The following OSBPL8 variants were observed in gnomAD, a reference collection of about 807,000 sequenced individuals.
OSBPL8 encodes oxysterol-binding protein-related protein 8.
In OSBPL8, 59 loss-of-function variants were observed where a neutral mutation model predicts 125.5. The observed-to-expected ratio is 0.47, with a 90% confidence interval of 0.38 to 0.58. The LOEUF is 0.58. Ranked by LOEUF, OSBPL8 falls within the 20% of genes least tolerant of loss-of-function variation. OSBPL8 has a pLI of 0.00. For synonymous variants in OSBPL8, 330 were observed against 338.9 expected (o/e 0.97, Z 0.29); for missense variants, 758 against 1,047.8 (o/e 0.72, Z 3.82).
intron 3 of OSBPL8, among the ~76,000 whole-genome samples, chr12:76,451,237 T>C (rs953404382): frequency 2.0e-5 from 3 of 152,228 alleles, no homozygotes; most frequent in East Asian, 1.9e-4. Context: ...TGAAAATACA[T>C]ATCCAACTGA....
intron 4 of OSBPL8, among the ~76,000 whole-genome samples, chr12:76,426,397 G>T (rs1403320274): frequency 6.6e-6 from 1 of 152,082 alleles, no homozygotes; most frequent in Non-Finnish European, 1.5e-5. Context: ...TAATTTGTCT[G>T]AAGTTTTTCT....
chr12:76,465,709 A>G (rs1182481902), intron 2 of OSBPL8, among the ~76,000 whole-genome samples: 2 of 151,584 alleles, frequency 1.3e-5, no homozygotes, highest in Non-Finnish European at 2.9e-5. Context: ...TGTAGTCATT[A>G]AAGTTTCTTT....
intron 12 of OSBPL8, among the ~76,000 whole-genome samples, chr12:76,388,452 CAG>C (rs753833147): frequency 1.3e-5 from 2 of 152,114 alleles, no homozygotes; most frequent in Non-Finnish European, 2.9e-5. Flanking sequence ...CTATTTGAGA[CAG>C]GGGGCATCTC....
At chr12:76,396,732 TGA>T in intron 8 of OSBPL8, among the ~76,000 whole-genome samples, 1 of 152,102 alleles carries the variant, frequency 6.6e-6, no homozygotes, top group African/African-American at 2.4e-5. Context: ...CCAGCCTAGG[TGA>T]CAGTAAAACC....
At chr12:76,391,199 T>C (rs1157042550) in intron 10 of OSBPL8, among the ~76,000 whole-genome samples, 1 of 152,186 alleles carries the variant, frequency 6.6e-6, no homozygotes, top group East Asian at 1.9e-4. Context: ...TTAAATTCTA[T>C]TCGTCTGAAA....
intron 2 of OSBPL8, among the ~76,000 whole-genome samples, chr12:76,464,035 T>C (rs769708605): frequency 6.6e-6 from 1 of 152,222 alleles, no homozygotes; most frequent in Non-Finnish European, 1.5e-5. Flanking sequence ...AAAAGTAAAA[T>C]GCTAGGCGTT....
chr12:76,528,414 T>C (rs570211479), intron 1 of OSBPL8, among the ~76,000 whole-genome samples: 2 of 152,134 alleles, frequency 1.3e-5, no homozygotes, highest in African/African-American at 4.8e-5. Context: ...AACTTCACTC[T>C]TGTAAATAAG....
Position 76,357,158 on chromosome 12 carries a change from C to G in OSBPL8, c.2435-430G>C, listed in dbSNP as rs559140106. 7.7e-4 allele frequency among the ~76,000 whole-genome samples: 117 copies of G among 152,230 alleles called. 1 individual carries two copies. The highest frequency in any genetic ancestry group is 2.2e-3 in the African/African-American group (92 of 41,546). On this transcript the variant is annotated intron_variant, in intron 22 of 23. Transcript: ENST00000261183. Reference sequence around the variant, plus strand: ...ACACCACTTCTGCAAATTTTTACTGCCAATCAGCAAGCTGTACATGTTTTT... The same window carrying G: ...ACACCACTTCTGCAAATTTTTACTGGCAATCAGCAAGCTGTACATGTTTTT...
intron 4 of OSBPL8, 81 bp downstream of exon 4, chr12:76,450,769 GT>G: frequency 7.5e-7 from 1 of 1,339,176 alleles, no homozygotes; most frequent in Non-Finnish European, 1.0e-6. Flanking sequence ...AAATATGATA[GT>G]CCCCAAATGT....
chr12:76,419,065 GTC>G (rs1216175230), intron 4 of OSBPL8, among the ~76,000 whole-genome samples: 1 of 151,968 alleles, frequency 6.6e-6, no homozygotes, highest in Non-Finnish European at 1.5e-5. Flanking sequence ...GTGAAACCCT[GTC>G]TCTACTAAAA....
intron 1 of OSBPL8, among the ~76,000 whole-genome samples, chr12:76,521,306 G>C (rs1299091307): frequency 3.3e-5 from 5 of 152,188 alleles, no homozygotes; most frequent in African/African-American, 1.2e-4. Flanking sequence ...ATTAAAAAGT[G>C]ATGTATGCTA....
In OSBPL8 at chr12:76,474,338, T is replaced by C. The variant is rs1455829451; in HGVS notation, c.42+13172A>G. Among the ~76,000 whole-genome samples the C allele has an allele frequency of 6.6e-5, 10 of 152,168 alleles. No homozygotes were observed. The South Asian group carries it at 2.1e-3, about 31-fold the overall frequency. On this transcript the variant is annotated intron_variant, in intron 2 of 23. Transcript: ENST00000261183. ...ACTTGTGACTGCTTCAGAAGTCAACTTAAGTTTAATAGGGTGAAAACAGCA... is the reference window on the plus strand; with the variant it reads ...ACTTGTGACTGCTTCAGAAGTCAACCTAAGTTTAATAGGGTGAAAACAGCA...
At chr12:76,419,941 TA>T (rs1368236699) in intron 4 of OSBPL8, among the ~76,000 whole-genome samples, 1 of 152,212 alleles carries the variant, frequency 6.6e-6, no homozygotes, top group East Asian at 1.9e-4. Context: ...ATCTCTAGTG[TA>T]AGTACATAGG....
At chr12:76,362,805 CCTT>C (rs1952260379) in intron 21 of OSBPL8, among the ~76,000 whole-genome samples, 2 of 152,172 alleles carry the variant, frequency 1.3e-5, no homozygotes, top group Admixed American at 6.5e-5. Flanking sequence ...CCCAAAATCT[CCTT>C]AAGCTGATAA....
chr12:76,407,774 A>T (rs1210576442), intron 5 of OSBPL8, among the ~76,000 whole-genome samples: 1 of 152,182 alleles, frequency 6.6e-6, no homozygotes, highest in Admixed American at 6.5e-5. Context: ...TCTACTGTTA[A>T]CCAGCTTCTT....
chr12:76,381,936 T>C (rs1230105031), intron 15 of OSBPL8, among the ~76,000 whole-genome samples: 2 of 152,088 alleles, frequency 1.3e-5, no homozygotes, highest in Non-Finnish European at 2.9e-5. Flanking sequence ...GGTTTCACCA[T>C]TTTGGCCTGG....
intron 1 of OSBPL8, among the ~76,000 whole-genome samples, chr12:76,546,904 C>T (rs1156415399): frequency 1.3e-5 from 2 of 152,066 alleles, no homozygotes; most frequent in Non-Finnish European, 2.9e-5. Flanking sequence ...TGTAAAGGGG[C>T]CAATTATTTT....
Position 76,352,958 on chromosome 12 carries a change from G to T in OSBPL8, c.*2931C>A, listed in dbSNP as rs190085331. Reference sequence around the variant, plus strand: ...GGTAAATAGACAAACCCCTATAAAAGATAGTATTATTGTTTAAATATACTA... The same window carrying T: ...GGTAAATAGACAAACCCCTATAAAATATAGTATTATTGTTTAAATATACTA... On this transcript the variant is annotated 3_prime_UTR_variant, in exon 24 of 24. Transcript: ENST00000261183. 5.2e-5 allele frequency: 8 copies of T among 152,470 alleles called. No individual in the cohort carries two copies. The East Asian group carries it at 1.5e-3, about 29-fold the overall frequency. 9.4% of individuals were successfully genotyped at this position (152,470 alleles called of 1,614,324 possible).
intron 23 of OSBPL8, 101 bp from the exon 24 acceptor site, chr12:76,356,122 A>G: frequency 9.1e-6 from 5 of 550,156 alleles, no homozygotes; most frequent in Non-Finnish European, 1.3e-5. Flanking sequence ...TTTAATGTTA[A>G]TAATTTTTAG....
Sources: allele counts gnomAD v4.1 joint callset (sites outside exome capture counted in the v4.1 genomes callset), GRCh38; gene constraint gnomAD v4.1.1; transcripts MANE v1.5; gene names NCBI Gene and HGNC (gene_info 2026-07-23, HGNC 2026-07-21).